Variants in SCN10A observed in about 807,000 individuals in gnomAD.
The protein encoded by SCN10A is sodium voltage-gated channel alpha subunit 10, also known as sodium channel protein type 10 subunit alpha.
In SCN10A, 162 loss-of-function variants were observed where a neutral mutation model predicts 170.7. The ratio of observed to expected loss-of-function variants is 0.95; its 90% CI spans 0.84 to 1.08. SCN10A has a LOEUF of 1.08. Among genes scored for constraint, SCN10A ranks in the 50% least tolerant of loss-of-function variants. SCN10A has a pLI of 0.00. For synonymous variants in SCN10A, 985 were observed against 904.6 expected (o/e 1.09, Z -1.59); for missense variants, 2,527 against 2,436.9 (o/e 1.04, Z -0.78).
At chr3:38,811,775 C>T (rs2064442925) in intron 1 of SCN10A, among the ~76,000 whole-genome samples, 1 of 152,168 alleles carries the variant, frequency 6.6e-6, no homozygotes, top group South Asian at 2.1e-4. Context: ...CCAGGACTTT[C>T]TACTGTCCAG....
At chr3:38,746,953 A>G (rs901939948) in intron 13 of SCN10A, among the ~76,000 whole-genome samples, 3 of 152,200 alleles carry the variant, frequency 2.0e-5, no homozygotes, top group African/African-American at 7.2e-5. Context: ...GTTTGGGCCA[A>G]ACTTTCTTAA....
Position 38,714,007 on chromosome 3 carries a change from A to G in SCN10A, c.3755T>C (p.Leu1252Pro). The change falls in exon 22 of 28, where the codon CTT (leucine) becomes CCT (proline). Residue 1252 changes from leucine to proline, a missense_variant. Leu to Pro is a moderately conservative substitution (Grantham distance 98, BLOSUM62 -3). Transcript: ENST00000449082. Reference sequence around the variant, plus strand: ...AGCCCGCAGTGGCCGCAGAGCGCGAAGGGTTCGAAGGGCTTTGATGGGAGC... The same window carrying G: ...AGCCCGCAGTGGCCGCAGAGCGCGAGGGGTTCGAAGGGCTTTGATGGGAGC... ...EVAPIKALRTLRALRPLRALS... is the reference protein window; with the variant it reads ...EVAPIKALRTPRALRPLRALS... 6.2e-7 allele frequency: 1 copy of G among 1,614,152 alleles called. No homozygotes were observed. Among genetic ancestry groups the G allele is most frequent in the East Asian group, 2.2e-5 (1 of 44,878 alleles).
intron 4 of SCN10A, among the ~76,000 whole-genome samples, chr3:38,772,595 G>A (rs1575167902): frequency 1.3e-5 from 2 of 152,060 alleles, no homozygotes; most frequent in East Asian, 1.9e-4. Context: ...AGGCTGAGGC[G>A]GGAGAATGGC....
chr3:38,708,836 C>A (rs1002385380), intron 25 of SCN10A, among the ~76,000 whole-genome samples: 1 of 152,206 alleles, frequency 6.6e-6, no homozygotes, highest in Non-Finnish European at 1.5e-5. Flanking sequence ...TACTCTGTGA[C>A]TTATCCATGT....
rs72866260 is a variant in SCN10A, at chr3:38,742,247, G to A, written c.2106+44C>T. The A allele has an allele frequency of 0.017, 8,116 of 477,364 alleles. 361 individuals are homozygous for A. Among genetic ancestry groups the A allele is most frequent in the African/African-American group, 0.16 (6,719 of 43,146 alleles). 29.6% of individuals were successfully genotyped at this position (477,364 alleles called of 1,614,324 possible). ...TGCACCCTGCCATCATCCCCACCCCGCCCCGACCACGCCAGTGAGGGCAGT... is the reference window on the plus strand; with the variant it reads ...TGCACCCTGCCATCATCCCCACCCCACCCCGACCACGCCAGTGAGGGCAGT... On this transcript the variant is annotated intron_variant, in intron 14 of 27. Coordinates refer to ENST00000449082, the MANE Select transcript of SCN10A (RefSeq NM_006514.4).
chr3:38,776,032 G>T (rs897642845), intron 4 of SCN10A, among the ~76,000 whole-genome samples: 2 of 152,062 alleles, frequency 1.3e-5, no homozygotes, highest in Non-Finnish European at 2.9e-5. Flanking sequence ...TAAAAGTGGG[G>T]TTGATAAACT....
At chr3:38,771,950 T>G (rs1400623279) in intron 4 of SCN10A, among the ~76,000 whole-genome samples, 1 of 151,774 alleles carries the variant, frequency 6.6e-6, no homozygotes, top group East Asian at 1.9e-4. Flanking sequence ...TGGGGGAGGG[T>G]GATAAGTAGG....
At chr3:38,761,837 TGAGAGAGA>T (rs772881421) in intron 6 of SCN10A, among the ~76,000 whole-genome samples, 17,405 of 144,638 alleles carry the variant, frequency 0.12, 1,120 homozygotes, top group South Asian at 0.14. Flanking sequence ...TGTGTGTGTG[TGAGAGAGA>T]GAGAGAGAGA....
chr3:38,726,749 C>T lies in SCN10A; in HGVS notation c.2944G>A (p.Asp982Asn). Residue 982 changes from aspartate to asparagine, a missense_variant, in exon 17 of 28, where the codon GAT (aspartate) becomes AAT (asparagine). Coordinates refer to ENST00000449082, the MANE Select transcript of SCN10A (RefSeq NM_006514.4). ...GGLQAPRGPR[D>N]EHSDFIANPT... Reference sequence around the variant, plus strand: ...TTAGCGATGAAGTCACTGTGCTCATCCCTGGGGCCTCTGGGAGCTTGGAGC... The same window carrying T: ...TTAGCGATGAAGTCACTGTGCTCATTCCTGGGGCCTCTGGGAGCTTGGAGC... 1 of 1,612,658 alleles carries T rather than the reference C, an allele frequency of 6.2e-7. No individual in the cohort carries two copies. The highest frequency in any genetic ancestry group is 1.1e-5 in the South Asian group (1 of 91,046).
chr3:38,710,757 G>A, intron 24 of SCN10A, 87 bp downstream of exon 24: 4 of 1,285,176 alleles, frequency 3.1e-6, no homozygotes, highest in African/African-American at 1.5e-5. Flanking sequence ...CCAGTACCAG[G>A]GTCATCGTCA....
At chr3:38,813,782 C>T (rs11713967) in intron 1 of SCN10A, among the ~76,000 whole-genome samples, 17,692 of 152,248 alleles carry the variant, frequency 0.12, 1,184 homozygotes, top group Middle Eastern at 0.2. Flanking sequence ...AAGTGACATT[C>T]TAAGGACAAA....
At position 38,810,641 on chromosome 3, in the gene SCN10A, G is replaced by T. The variant is rs943671730; in HGVS notation, c.-33+5396C>A. Among the ~76,000 whole-genome samples the T allele has an allele frequency of 5.9e-5, 9 of 152,194 alleles. 1 individual carries two copies. Among genetic ancestry groups the T allele is most frequent in the East Asian group, 1.9e-4 (1 of 5,186 alleles). On this transcript the variant is annotated intron_variant, in intron 1 of 27. Coordinates refer to ENST00000449082, the MANE Select transcript of SCN10A (RefSeq NM_006514.4). The stretch of plus-strand genomic sequence containing the variant: ...TAAAATTATATTTATTTGTGTATTT[G>T]TTTAATATCTGTCTGCCCCACTAGA...
At chr3:38,709,352 A>T (rs1427422787) in intron 25 of SCN10A, 126 bp downstream of exon 25, 29 of 945,100 alleles carry the variant, frequency 3.1e-5, no homozygotes, top group Non-Finnish European at 4.4e-5. Flanking sequence ...AAGGGTTAGC[A>T]CTGATATTAA....
chr3:38,702,171 T>A (rs1484428376), intron 26 of SCN10A, 62 bp from the exon 27 acceptor site: 7 of 1,495,560 alleles, frequency 4.7e-6, no homozygotes. Flanking sequence ...GGCATCTGTG[T>A]TATCTGTAGA....
At chr3:38,728,265 G>T (rs1372274890) in intron 16 of SCN10A, among the ~76,000 whole-genome samples, 1 of 152,298 alleles carries the variant, frequency 6.6e-6, no homozygotes, top group South Asian at 2.1e-4. Context: ...AGGAGATTAA[G>T]TCTCTTGCCT....
Position 38,792,083 on chromosome 3 carries a change from A to G in SCN10A, c.356T>C (p.Ile119Thr). Reference protein sequence around the residue: ...ALWLFSPFNLIRRTAIKVSVH... With the variant: ...ALWLFSPFNLTRRTAIKVSVH... ...AGACACTTTGATGGCCGTTCTTCTG[A>G]TCAGGTTGAAAGGACTGAATAGCCA... The change falls in exon 3 of 28, where the codon ATC (isoleucine) becomes ACC (threonine). Residue 119 changes from isoleucine (I) to threonine (T), a missense_variant. Ile to Thr is a moderately conservative substitution (Grantham distance 89, BLOSUM62 -1). Coordinates refer to ENST00000449082, the MANE Select transcript of SCN10A (RefSeq NM_006514.4). 1.2e-6 allele frequency: 2 copies of G among 1,613,832 alleles called. No individual in the cohort carries two copies. The highest frequency in any genetic ancestry group is 1.7e-6 in the Non-Finnish European group (2 of 1,179,808).
chr3:38,742,406 T>A lies in SCN10A; in HGVS notation c.1991A>T (p.Asp664Val). The change falls in exon 14 of 28, where the codon GAT becomes GTT. Residue 664 changes from aspartate to valine, a missense_variant. Transcript: ENST00000449082. ...LKTILFGLVT[D>V]PFAELTITLC... The stretch of plus-strand genomic sequence containing the variant: ...GGTGATGGTGAGCTCTGCAAAGGGA[T>A]CCGTCACAAGCCCAAAGAGAATTGT... The A allele has an allele frequency of 6.2e-7, 1 of 1,614,148 alleles. No homozygotes were observed. The highest frequency in any genetic ancestry group is 8.5e-7 in the Non-Finnish European group (1 of 1,180,022).
At chr3:38,793,483 C>T (rs1415147309) in intron 2 of SCN10A, among the ~76,000 whole-genome samples, 4 of 152,142 alleles carry the variant, frequency 2.6e-5, no homozygotes, top group Admixed American at 2.0e-4. Context: ...AGGGAACAGC[C>T]AACTTTCCCT....
chr3:38,731,458 G>A (rs866695676), intron 15 of SCN10A, among the ~76,000 whole-genome samples: 4 of 152,194 alleles, frequency 2.6e-5, no homozygotes, highest in African/African-American at 9.7e-5. Flanking sequence ...TAGGCTTACA[G>A]GATACCAGAT....
Sources: gnomAD v4.1 joint callset for allele counts (sites outside exome capture counted in the v4.1 genomes callset) on GRCh38, gnomAD v4.1.1 for gene constraint, MANE v1.5 for transcripts, NCBI Gene and HGNC (gene_info 2026-07-23, HGNC 2026-07-21) for gene names.